Variants in ZSCAN31 observed in about 807,000 individuals in gnomAD.
ZSCAN31 encodes the protein zinc finger and SCAN domain-containing protein 31.
ZSCAN31 carries 14 observed loss-of-function variants against 22.5 expected under a neutral mutation model. The observed-to-expected ratio is 0.62, with a 90% CI of 0.41 to 0.97. The LOEUF (loss-of-function observed/expected upper bound fraction) is 0.97, where lower values mean the gene tolerates loss of function less well. Among genes scored for constraint, ZSCAN31 ranks in the 50% least tolerant of loss-of-function variants. The probability of loss-of-function intolerance (pLI) is 0.00; values close to 1 mark genes in which losing one functional copy is unlikely to be tolerated. For missense variants in ZSCAN31, 424 were observed against 483.4 expected (o/e 0.88, Z 1.15); for synonymous variants, 168 against 169.8 (o/e 0.99, Z 0.08).
At position 28,331,323 on chromosome 6, in the gene ZSCAN31, GC is replaced by G. The variant is rs1425123250; in HGVS notation, c.-95-1546del. Among the ~76,000 whole-genome samples the G allele has an allele frequency of 6.6e-6, 1 of 152,116 alleles. No individual in the cohort carries two copies. Among genetic ancestry groups the G allele is most frequent in the African/African-American group, 2.4e-5 (1 of 41,422 alleles). On this transcript the variant is annotated intron_variant, in intron 1 of 3. Coordinates refer to ENST00000344279, the MANE Select transcript of ZSCAN31 (RefSeq NM_030899.5). The surrounding 1 kb of genome is among the most constrained non-coding windows in gnomAD (Gnocchi z 4.8). ...GTAATTTAAGTTTTATATGATTTTT[GC>G]CCAATGCTAATTGAATTATTAAGGT... is the stretch of plus-strand genomic sequence containing the variant.
chr6:28,341,476 G>C (rs1275749611), intron 3 of ZSCAN31, among the ~76,000 whole-genome samples: 1 of 152,144 alleles, frequency 6.6e-6, no homozygotes, highest in African/African-American at 2.4e-5. Context: ...CCATTCATGA[G>C]GGCAGAACTC....
chr6:28,340,055 AC>A (rs1235294166), upstream of ZSCAN31, among the ~76,000 whole-genome samples: 4 of 152,222 alleles, frequency 2.6e-5, no homozygotes, highest in African/African-American at 9.7e-5. Context: ...AGAATCACTT[AC>A]ACTTTATAGA....
At position 28,347,988 on chromosome 6, in the gene ZSCAN31, G is replaced by C. The variant is rs942383785; in HGVS notation, c.-371+5874C>G. ...GCTAATGATTAACTGTATATGCTATGTTTATTGGTCATTCGAGATTCCTCT... is the reference window on the plus strand; with the variant it reads ...GCTAATGATTAACTGTATATGCTATCTTTATTGGTCATTCGAGATTCCTCT... On this transcript the variant is annotated intron_variant, in intron 2 of 7. Coordinates refer to the ZSCAN31 transcript ENST00000396838. This position sits in a 1 kb window ranked among gnomAD's most constrained non-coding sequence, Gnocchi z 5.2. 6.6e-6 allele frequency among the ~76,000 whole-genome samples: 1 copy of C among 152,034 alleles called. No homozygotes were observed. The highest frequency in any genetic ancestry group is 2.4e-5 in the African/African-American group (1 of 41,382).
rs200168409 is a variant in ZSCAN31, at chr6:28,326,825, A to G, written c.562T>C (p.Leu188=). The change falls in exon 4 of 4, where the codon TTG becomes CTG. Residue 188 remains leucine (L), a synonymous_variant. Coordinates refer to ENST00000344279, the MANE Select transcript of ZSCAN31 (RefSeq NM_030899.5). ...TTTAAGATTTCTTGCTTTGATGCCAACTCCTGGTTCTCAGGTATACTTTCA... is the reference window on the plus strand; with the variant it reads ...TTTAAGATTTCTTGCTTTGATGCCAGCTCCTGGTTCTCAGGTATACTTTCA... ...DGESIPENQE[L]ASKQEILKEM... is the part of the protein sequence containing the mutation. 6 of 1,611,970 alleles carry G rather than the reference A, an allele frequency of 3.7e-6. No homozygotes were observed. Among genetic ancestry groups the G allele is most frequent in the South Asian group, 2.2e-5 (2 of 91,082 alleles).
Position 28,327,452 on chromosome 6 carries a change from T to C in ZSCAN31, c.463A>G (p.Ile155Val). The change falls in exon 3 of 4, where the codon ATA becomes GTA. Residue 155 changes from isoleucine to valine, a missense_variant. Physicochemically the swap from Ile to Val is conservative, Grantham distance 29 (BLOSUM62 3). Coordinates refer to ENST00000344279, the MANE Select transcript of ZSCAN31 (RefSeq NM_030899.5). Reference protein sequence around the residue: ...HLKVKQEPTDIQLQPMVTQLR... With the variant: ...HLKVKQEPTDVQLQPMVTQLR... The stretch of plus-strand genomic sequence containing the variant: ...TGTGTCACCATAGGCTGAAGCTGTA[T>C]GTCTGTTGGTTCCTGCTTGACCTTC... 1.2e-6 allele frequency: 2 copies of C among 1,614,074 alleles called. No individual in the cohort carries two copies. Among genetic ancestry groups the C allele is most frequent in the South Asian group, 1.1e-5 (1 of 91,080 alleles).
upstream of ZSCAN31, chr6:28,336,921 T>C (rs537998556): frequency 6.6e-6 from 1 of 151,628 alleles, no homozygotes; most frequent in African/African-American, 2.4e-5. Context: ...CACTCAAACC[T>C]CTGTCTTCTG....
At position 28,329,778 on chromosome 6, in the gene ZSCAN31, C is replaced by T. The variant is rs905746726; in HGVS notation, c.-95G>A. The T allele has an allele frequency of 7.0e-7, 1 of 1,421,178 alleles. No individual in the cohort carries two copies. The highest frequency in any genetic ancestry group is 9.5e-7 in the Non-Finnish European group (1 of 1,057,218). The allele number at this position is 1,421,178 out of a possible 1,614,324, so 88.0% of individuals were successfully genotyped here. A position where few individuals can be genotyped will look rare whatever the true frequency, so the allele number is the denominator to read the frequency against. ...ATTTAATCTTCCTTAGGAGAAGACA[C>T]CTGATGATAGAGCATTATATATTAA... On this transcript the variant is annotated splice_region_variant and 5_prime_UTR_variant, in exon 2 of 4. The change creates a new upstream start codon in the 5' untranslated region. Coordinates refer to ENST00000344279, the MANE Select transcript of ZSCAN31 (RefSeq NM_030899.5).
chr6:28,348,392 G>A (rs1466142922), intron 2 of ZSCAN31, among the ~76,000 whole-genome samples: 1 of 152,154 alleles, frequency 6.6e-6, no homozygotes, highest in African/African-American at 2.4e-5. Flanking sequence ...AAAGTTAGCT[G>A]ACTGGAATTG....
chr6:28,340,888 C>A (rs1370812058), upstream of ZSCAN31, among the ~76,000 whole-genome samples: 1 of 151,864 alleles, frequency 6.6e-6, no homozygotes, highest in Non-Finnish European at 1.5e-5. Context: ...TTTTGTTTTT[C>A]TTTAGGGTTT....
At position 28,325,710 on chromosome 6, in the gene ZSCAN31, A is replaced by G. The variant is rs1232142718; in HGVS notation, c.*456T>C. 1 of 153,594 alleles carries G rather than the reference A, an allele frequency of 6.5e-6. No homozygotes were observed. Among genetic ancestry groups the G allele is most frequent in the Admixed American group, 6.5e-5 (1 of 15,480 alleles). 9.5% of individuals were successfully genotyped at this position (153,594 alleles called of 1,614,324 possible). ...TGTTTAAAATGTCACTCTTACAGAAAAAGATGCACCTCTGAATATCCTTTG... is the reference window on the plus strand; with the variant it reads ...TGTTTAAAATGTCACTCTTACAGAAGAAGATGCACCTCTGAATATCCTTTG... On this transcript the variant is annotated 3_prime_UTR_variant, in exon 4 of 4. Transcript: ENST00000344279.
At chr6:28,341,458 C>T (rs574013147) in intron 3 of ZSCAN31, among the ~76,000 whole-genome samples, 7 of 152,202 alleles carry the variant, frequency 4.6e-5, no homozygotes, top group East Asian at 1.9e-4. Flanking sequence ...TCTTATAGGG[C>T]GCTAACCCCA....
chr6:28,346,421 G>A (rs904287129), intron 2 of ZSCAN31, among the ~76,000 whole-genome samples: 1 of 139,384 alleles, frequency 7.2e-6, no homozygotes, highest in Non-Finnish European at 1.5e-5. Flanking sequence ...GCAATGGCGT[G>A]ATCTCAGCTC....
At chr6:28,354,014 C>A in intron 1 of ZSCAN31, 1 of 451,212 alleles carries the variant, frequency 2.2e-6, no homozygotes, top group South Asian at 1.6e-5. Flanking sequence ...ACACTGTCTG[C>A]CTCTGTCTCG....
chr6:28,350,554 G>T (rs35744819), intron 2 of ZSCAN31, among the ~76,000 whole-genome samples: 7,429 of 152,212 alleles, frequency 0.049, 308 homozygotes, highest in Non-Finnish European at 0.087. Flanking sequence ...GTAAAATGGG[G>T]ATAATATTCC....
chr6:28,344,579 G>A (rs75885713), intron 2 of ZSCAN31, among the ~76,000 whole-genome samples: 7,568 of 152,246 alleles, frequency 0.05, 224 homozygotes, highest in Middle Eastern at 0.082. Flanking sequence ...GACAAAGGAG[G>A]AAAAATACTG....
Position 28,326,661 on chromosome 6 carries a change from A to G in ZSCAN31, c.726T>C (p.Asn242=), listed in dbSNP as rs1279470283. 3.7e-6 allele frequency: 6 copies of G among 1,613,910 alleles called. No homozygotes were observed. Among genetic ancestry groups the G allele is most frequent in the South Asian group, 1.1e-5 (1 of 91,070 alleles). The stretch of plus-strand genomic sequence containing the variant: ...TCTTAGTGAAGCTTTTCCCACATTC[A>G]TTGCACCTGTGGCGTCTCTCTCCAG... The part of the protein sequence containing the change: ...HSTGERRHRC[N]ECGKSFTKSS... Residue 242 remains asparagine (N), a synonymous_variant, in exon 4 of 4, where the codon AAT becomes AAC. Transcript: ENST00000344279.
Position 28,326,170 on chromosome 6 carries a change from G to A in ZSCAN31, c.1217C>T (p.Pro406Leu), listed in dbSNP as rs2113777314. The A allele has an allele frequency of 6.2e-7, 1 of 1,605,640 alleles. No homozygotes were observed. The highest frequency in any genetic ancestry group is 8.5e-7 in the Non-Finnish European group (1 of 1,174,666). Residue 406 changes from proline (P) to leucine (L), a missense_variant, in exon 4 of 4, where the codon CCA becomes CTA. Pro to Leu is a moderately conservative substitution (Grantham distance 98). Transcript: ENST00000344279. ...GCTTTCCCAAACTCATCACCCTTAT[G>A]GTCTCTCTCCAGTGTGGATTTTCTG... ...KHQKIHTGER[P>L]
chr6:28,345,144 C>CAAAAAAAAAAAAAAAAA (rs60598517), intron 2 of ZSCAN31, among the ~76,000 whole-genome samples: 1 of 93,616 alleles, frequency 1.1e-5, no homozygotes, highest in African/African-American at 3.8e-5. Flanking sequence ...AACTGTGTCT[C>CAAAAAAAAAAAAAAAAA]AAAAAAAAAA....
At chr6:28,334,286 G>C (rs958309980) in intron 1 of ZSCAN31, among the ~76,000 whole-genome samples, 2 of 152,204 alleles carry the variant, frequency 1.3e-5, no homozygotes, top group African/African-American at 4.8e-5. Context: ...TTTATGCATT[G>C]CCTGTAATCC....
Sources: allele counts gnomAD v4.1 joint callset (sites outside exome capture counted in the v4.1 genomes callset), GRCh38; gene constraint gnomAD v4.1.1; non-coding constraint Gnocchi (gnomAD v3.1); transcripts MANE v1.5; gene names NCBI Gene and HGNC (gene_info 2026-07-23, HGNC 2026-07-21).